Variants in KCTD2 observed in about 807,000 individuals in gnomAD.
KCTD2 encodes the protein potassium channel tetramerization domain containing 2, also known as BTB/POZ domain-containing protein KCTD2.
Under a neutral mutation model 27.9 loss-of-function variants are expected in KCTD2, and 18 were observed. The ratio of observed to expected loss-of-function variants is 0.64; its 90% CI spans 0.45 to 0.96. The LOEUF (loss-of-function observed/expected upper bound fraction) is 0.96. KCTD2 is among the 40% of genes least tolerant of loss of function. The pLI is 0.00. For synonymous variants in KCTD2, 175 were observed against 148.4 expected (o/e 1.18, Z -1.30); for missense variants, 280 against 348.0 (o/e 0.80, Z 1.56).
Position 75,040,106 on chromosome 17 carries a change from C to T in KCTD2, c.-259+4749C>T, listed in dbSNP as rs747765218. Reference sequence around the variant, plus strand: ...CAACTACTTACATCTTCTTTTTCTTCGGCATCCACCTGGGCAGTATATTTA... The same window carrying T: ...CAACTACTTACATCTTCTTTTTCTTTGGCATCCACCTGGGCAGTATATTTA... On this transcript the variant is annotated intron_variant, in intron 3 of 7. Transcript: ENST00000581589. 1.2e-5 allele frequency: 19 copies of T among 1,613,070 alleles called. No individual in the cohort carries two copies. Among genetic ancestry groups the T allele is most frequent in the East Asian group, 2.2e-5 (1 of 44,866 alleles).
At chr17:75,055,818 G>A (rs1487351716) in intron 3 of KCTD2, among the ~76,000 whole-genome samples, 15 of 147,834 alleles carry the variant, frequency 1.0e-4, no homozygotes, top group African/African-American at 3.2e-4. Flanking sequence ...GGCAACAGGA[G>A]CGAAACTCCC....
intron 1 of KCTD2, chr17:75,033,917 C>A (rs924412613): frequency 2.0e-5 from 3 of 152,300 alleles, no homozygotes; most frequent in African/African-American, 7.2e-5. Context: ...CCCCAGTGGC[C>A]TAATGGATAA....
intron 2 of KCTD2, among the ~76,000 whole-genome samples, chr17:75,050,455 G>T (rs2073272897): frequency 6.6e-6 from 1 of 151,958 alleles, no homozygotes; most frequent in African/African-American, 2.4e-5. Context: ...TAGAGACAGG[G>T]TTTCACCATG....
At chr17:75,040,981 A>T (rs36040467) in intron 3 of KCTD2, 12,769 of 152,126 alleles carry the variant, frequency 0.084, 860 homozygotes, top group African/African-American at 0.19. Flanking sequence ...TGAATGAATA[A>T]GCAAATGAAC....
intron 3 of KCTD2, among the ~76,000 whole-genome samples, chr17:75,038,398 C>T (rs2144907136): frequency 6.6e-6 from 1 of 152,330 alleles, no homozygotes; most frequent in East Asian, 1.9e-4. Context: ...CCGCCTGGGC[C>T]TCCCAAAATG....
At chr17:75,042,508 C>T (rs557017001), upstream of KCTD2, 12 of 1,599,858 alleles carry the variant, frequency 7.5e-6, no homozygotes, top group Non-Finnish European at 9.3e-6. Flanking sequence ...GTATGGGGTT[C>T]CCTCTCAGAA....
chr17:75,046,860 G>GT (rs1180048228), upstream of KCTD2: 2 of 152,800 alleles, frequency 1.3e-5, 1 homozygote, highest in Middle Eastern at 6.3e-3. Context: ...TCGGCGTGAG[G>GT]TTTGGAGAGG....
chr17:75,061,499 T>G (rs1410936994), intron 4 of KCTD2, among the ~76,000 whole-genome samples: 1 of 152,048 alleles, frequency 6.6e-6, no homozygotes, highest in Non-Finnish European at 1.5e-5. Context: ...AATAAAAGAA[T>G]TAGCCAGGCA....
upstream of KCTD2, among the ~76,000 whole-genome samples, chr17:75,046,384 AT>A (rs932125550): frequency 4.6e-5 from 7 of 152,074 alleles, no homozygotes; most frequent in Admixed American, 2.6e-4. Context: ...GCCCGGCGAA[AT>A]TTTTTTTAAT....
chr17:75,033,802 G>A (rs2040085884), intron 1 of KCTD2, among the ~76,000 whole-genome samples: 1 of 152,210 alleles, frequency 6.6e-6, no homozygotes, highest in Non-Finnish European at 1.5e-5. Context: ...AGTGCGCGCG[G>A]CAGGGACGGA....
chr17:75,040,127 A>G, intron 3 of KCTD2: 1 of 1,612,968 alleles, frequency 6.2e-7, no homozygotes, highest in Non-Finnish European at 8.5e-7. Flanking sequence ...TGGGCAGTAT[A>G]TTTATCCTCT....
At chr17:75,039,222 T>C in intron 3 of KCTD2, 1 of 1,614,214 alleles carries the variant, frequency 6.2e-7, no homozygotes. Context: ...TTTCTCATAT[T>C]CTACAATCCT....
chr17:75,047,715 C>G (rs1357606753), intron 1 of KCTD2, 126 bp downstream of exon 1: 3 of 853,168 alleles, frequency 3.5e-6, no homozygotes, highest in Non-Finnish European at 5.3e-6. Flanking sequence ...CATCCTCCCC[C>G]TCCCTCCCAC....
chr17:75,035,235 C>T (rs1481437704), exon 3 of KCTD2: 1 of 152,108 alleles, frequency 6.6e-6, no homozygotes, highest in Non-Finnish European at 1.5e-5. Context: ...GTTTTAGACC[C>T]AGAAACGCCT....
chr17:75,062,940 G>C (rs927717535), intron 5 of KCTD2, 78 bp from the exon 6 acceptor site: 116 of 1,477,752 alleles, frequency 7.8e-5, no homozygotes, highest in Non-Finnish European at 1.0e-4. Context: ...CCACTCATCG[G>C]GTCCAGTGGA....
At chr17:75,033,984 G>T (rs1567984694) in intron 1 of KCTD2, 1 of 152,268 alleles carries the variant, frequency 6.6e-6, no homozygotes, top group Admixed American at 6.5e-5. Context: ...GGGTAGAGGT[G>T]AAAGTTCCTT....
At chr17:75,062,526 A>G (rs950314682) in intron 5 of KCTD2, among the ~76,000 whole-genome samples, 2 of 152,080 alleles carry the variant, frequency 1.3e-5, no homozygotes, top group African/African-American at 4.8e-5. Flanking sequence ...TAATTACTAC[A>G]GGGTAGGATT....
intron 3 of KCTD2, among the ~76,000 whole-genome samples, chr17:75,038,223 C>A (rs947143825): frequency 1.3e-5 from 2 of 151,946 alleles, no homozygotes; most frequent in African/African-American, 4.8e-5. Context: ...CAGGTTCAAT[C>A]AAGCCTCAAG....
upstream of KCTD2, chr17:75,047,191 G>T (rs568418535): frequency 2.5e-3 from 1,282 of 503,768 alleles, 2 homozygotes; most frequent in Middle Eastern, 3.7e-3. Flanking sequence ...GGCTCTCCCT[G>T]CCGAGAAATG....
Sources: allele counts gnomAD v4.1 joint callset (sites outside exome capture counted in the v4.1 genomes callset), GRCh38; gene constraint gnomAD v4.1.1; transcripts MANE v1.5; gene names NCBI Gene and HGNC (gene_info 2026-07-23, HGNC 2026-07-21).